The following TRMT9B variants were observed in gnomAD, a reference collection of about 807,000 sequenced individuals.
TRMT9B encodes the protein tRNA methyltransferase 9B (putative), also known as probable tRNA methyltransferase 9B.
TRMT9B carries 16 observed loss-of-function variants against 11.5 expected under a neutral mutation model. That is an observed-to-expected ratio of 1.39 (90% CI 0.94 to 2.11). TRMT9B has a LOEUF of 2.11. Among genes scored for constraint, TRMT9B ranks in the 30% most tolerant of loss-of-function variants. The probability of loss-of-function intolerance (pLI) is 0.00; values close to 1 mark genes in which losing one functional copy is unlikely to be tolerated. For synonymous variants in TRMT9B, 274 were observed against 192.4 expected (o/e 1.42, Z -3.51); for missense variants, 941 against 553.8 (o/e 1.70, Z -7.02).
At chr8:13,010,698 T>C in intron 3 of TRMT9B, 1 of 984,912 alleles carries the variant, frequency 1.0e-6, no homozygotes, top group Non-Finnish European at 1.2e-6. Flanking sequence ...TTAATATCAT[T>C]GAAGTAACTT....
At chr8:13,007,532 A>G (rs1205761220) in intron 3 of TRMT9B, 1 of 152,228 alleles carries the variant, frequency 6.6e-6, no homozygotes, top group Non-Finnish European at 1.5e-5. Flanking sequence ...CAGACATACC[A>G]GAACTTGTGG....
chr8:12,972,928 G>A (rs78445697), intron 1 of TRMT9B, among the ~76,000 whole-genome samples: 5,164 of 152,184 alleles, frequency 0.034, 125 homozygotes, highest in Non-Finnish European at 0.052. Context: ...ATGATCCATC[G>A]TCAGAACTTT....
At chr8:12,956,577 C>T (rs1186616623) in intron 1 of TRMT9B, among the ~76,000 whole-genome samples, 2 of 152,176 alleles carry the variant, frequency 1.3e-5, no homozygotes, top group African/African-American at 4.8e-5. Flanking sequence ...CTTCTCAAAG[C>T]CGCAGATAGT....
chr8:12,956,238 T>A (rs1255155026), intron 1 of TRMT9B, among the ~76,000 whole-genome samples: 1 of 152,178 alleles, frequency 6.6e-6, no homozygotes, highest in African/African-American at 2.4e-5. Context: ...CCATCATGCC[T>A]AACACATATC....
chr8:12,985,552 A>G (rs1018358300), intron 1 of TRMT9B, among the ~76,000 whole-genome samples: 1 of 152,186 alleles, frequency 6.6e-6, no homozygotes, highest in African/African-American at 2.4e-5. Context: ...TTCAGCTCTT[A>G]TTCTGTGTTA....
chr8:13,008,441 C>T (rs1810913614), intron 3 of TRMT9B, among the ~76,000 whole-genome samples: 2 of 152,134 alleles, frequency 1.3e-5, no homozygotes. Context: ...GTATGTGGGT[C>T]TCAGATGACT....
chr8:12,983,898 C>T (rs1805830417), intron 1 of TRMT9B, among the ~76,000 whole-genome samples: 1 of 152,148 alleles, frequency 6.6e-6, no homozygotes. Context: ...TGCTGCTTGG[C>T]TACCCTGAAC....
At position 13,023,586 on chromosome 8, in the gene TRMT9B, C is replaced by T. The variant is rs1016369639; in HGVS notation, c.*1542C>T. On this transcript the variant is annotated 3_prime_UTR_variant, in exon 5 of 5. Transcript: ENST00000524591. ...AATATAATTAAGACAGGTCTAGAGA[C>T]AGGAGAAGCAGAAATAAGTTGACCC... 1 of 166,976 alleles carries T rather than the reference C, an allele frequency of 6.0e-6. No homozygotes were observed. The highest frequency in any genetic ancestry group is 2.1e-4 in the South Asian group (1 of 4,832). 10.3% of individuals were successfully genotyped at this position (166,976 alleles called of 1,614,324 possible).
chr8:13,020,895 A>C, intron 4 of TRMT9B, 113 bp from the exon 5 acceptor site: 4 of 635,790 alleles, frequency 6.3e-6, no homozygotes, highest in South Asian at 2.9e-5. Context: ...AGGAAATAAG[A>C]AGGTTTCATT....
chr8:12,968,640 T>A (rs1338248675), intron 1 of TRMT9B, among the ~76,000 whole-genome samples: 1 of 152,146 alleles, frequency 6.6e-6, no homozygotes, highest in Non-Finnish European at 1.5e-5. Flanking sequence ...AACTCCCTAC[T>A]CTGGGAGGAG....
At chr8:13,006,714 A>T (rs1810545248) in intron 3 of TRMT9B, 3 of 1,208,968 alleles carry the variant, frequency 2.5e-6, no homozygotes, top group Non-Finnish European at 3.2e-6. Context: ...TGTCAACCAG[A>T]TTGGAGTGCA....
At position 13,022,380 on chromosome 8, in the gene TRMT9B, A is replaced by C; in HGVS notation, c.*336A>C. 1 of 203,170 alleles carries C rather than the reference A, an allele frequency of 4.9e-6. No individual in the cohort carries two copies. Among genetic ancestry groups the C allele is most frequent in the Non-Finnish European group, 1.1e-5 (1 of 93,012 alleles). The allele number at this position is 203,170 out of a possible 1,614,324, so 12.6% of individuals were successfully genotyped here. A position where few individuals can be genotyped will look rare whatever the true frequency, so the allele number is the denominator to read the frequency against. ...TTTTCAGTATTACACATTGATTTAA[A>C]AAGATTATGCTGTTAAATAATCTTT... On this transcript the variant is annotated 3_prime_UTR_variant, in exon 5 of 5. Transcript: ENST00000524591.
At chr8:13,012,249 A>G (rs1380211641) in intron 3 of TRMT9B, 2 of 985,836 alleles carry the variant, frequency 2.0e-6, no homozygotes, top group Admixed American at 6.1e-5. Context: ...ATACCTTCAC[A>G]CCATGTTGTA....
intron 2 of TRMT9B, among the ~76,000 whole-genome samples, chr8:12,996,243 A>G (rs1015442773): frequency 2.6e-5 from 4 of 152,174 alleles, no homozygotes; most frequent in Non-Finnish European, 5.9e-5. Context: ...AAGCTATTCA[A>G]TGTGTAATAA....
intron 1 of TRMT9B, among the ~76,000 whole-genome samples, chr8:12,953,252 C>T (rs1800869541): frequency 1.3e-5 from 2 of 151,946 alleles, no homozygotes; most frequent in Admixed American, 6.6e-5. Flanking sequence ...TACAGCTAAC[C>T]ATTGGCATTT....
intron 1 of TRMT9B, among the ~76,000 whole-genome samples, chr8:12,974,163 C>G (rs1035851570): frequency 8.6e-5 from 13 of 150,618 alleles, no homozygotes; most frequent in African/African-American, 3.2e-4. Context: ...AAGCAAGACC[C>G]TGTCCCTTAA....
intron 4 of TRMT9B, among the ~76,000 whole-genome samples, chr8:13,015,276 A>T (rs1240032331): frequency 6.6e-6 from 1 of 151,182 alleles, no homozygotes; most frequent in Non-Finnish European, 1.5e-5. Flanking sequence ...GTCTTGTTAC[A>T]TCTTGATATT....
At chr8:12,994,246 G>A (rs762995060) in intron 2 of TRMT9B, among the ~76,000 whole-genome samples, 4 of 152,200 alleles carry the variant, frequency 2.6e-5, no homozygotes, top group African/African-American at 7.2e-5. Flanking sequence ...CTTGGGAACG[G>A]ATCAGGTATT....
At chr8:13,016,324 G>C (rs1001430724) in intron 4 of TRMT9B, among the ~76,000 whole-genome samples, 2 of 144,732 alleles carry the variant, frequency 1.4e-5, no homozygotes, top group African/African-American at 2.5e-5. Context: ...AAGAGAGATA[G>C]TCTATTGAAA....
Sources: gnomAD v4.1 joint callset for allele counts (sites outside exome capture counted in the v4.1 genomes callset) on GRCh38, gnomAD v4.1.1 for gene constraint, MANE v1.5 for transcripts, NCBI Gene and HGNC (gene_info 2026-07-23, HGNC 2026-07-21) for gene names.